Variants in HOMER2 observed in about 807,000 individuals in gnomAD.
HOMER2 encodes the protein homer protein homolog 2.
Under a neutral mutation model 47.0 loss-of-function variants are expected in HOMER2, and 27 were observed. That is an observed-to-expected ratio of 0.57 (90% CI 0.42 to 0.79). The LOEUF is 0.79. Among genes scored for constraint, HOMER2 ranks in the 30% least tolerant of loss-of-function variants. HOMER2 has a pLI of 0.00. For synonymous variants in HOMER2, 161 were observed against 163.8 expected (o/e 0.98, Z 0.13); for missense variants, 443 against 435.0 (o/e 1.02, Z -0.16).
intron 4 of HOMER2, among the ~76,000 whole-genome samples, chr15:82,862,263 C>A (rs1426275782): frequency 6.6e-6 from 1 of 152,024 alleles, no homozygotes; most frequent in Non-Finnish European, 1.5e-5. Context: ...ATAAATACTG[C>A]TAAAGATTAG....
At chr15:82,837,255 A>G (rs541170610) in exon 2 of HOMER2, 1 of 152,352 alleles carries the variant, frequency 6.6e-6, no homozygotes, top group South Asian at 2.1e-4. Context: ...CACCCGGATA[A>G]TCCAGGATCA....
At chr15:82,918,786 A>G (rs1217583422) in intron 1 of HOMER2, among the ~76,000 whole-genome samples, 2 of 152,172 alleles carry the variant, frequency 1.3e-5, no homozygotes, top group African/African-American at 2.4e-5. Context: ...TCCTCTCCTC[A>G]GCAGCCCAGG....
intron 1 of HOMER2, among the ~76,000 whole-genome samples, chr15:82,928,340 T>A (rs2053909316): frequency 6.6e-6 from 1 of 152,202 alleles, no homozygotes; most frequent in African/African-American, 2.4e-5. Flanking sequence ...TAGACTGGTT[T>A]CTGTTTCCGC....
chr15:82,855,129 A>AGCGG (rs2051532666), intron 5 of HOMER2, among the ~76,000 whole-genome samples: 1 of 151,930 alleles, frequency 6.6e-6, no homozygotes, highest in Non-Finnish European at 1.5e-5. Context: ...TAGGTCAAGA[A>AGCGG]ATCGAGACCA....
intron 3 of HOMER2, among the ~76,000 whole-genome samples, chr15:82,867,966 G>A (rs935220032): frequency 1.3e-5 from 2 of 152,026 alleles, no homozygotes; most frequent in Admixed American, 6.5e-5. Context: ...CATGAGAGCC[G>A]CCTAGTAATT....
intron 2 of HOMER2, among the ~76,000 whole-genome samples, chr15:82,879,528 A>C (rs1291399269): frequency 1.3e-5 from 2 of 152,218 alleles, no homozygotes; most frequent in Admixed American, 6.5e-5. Context: ...AAATAAAGAA[A>C]TCATAGTTTG....
At chr15:82,901,991 T>A (rs1163070761) in intron 1 of HOMER2, among the ~76,000 whole-genome samples, 1 of 152,184 alleles carries the variant, frequency 6.6e-6, no homozygotes, top group Non-Finnish European at 1.5e-5. Flanking sequence ...TTACTTTCTA[T>A]CCACAGTATG....
chr15:82,882,201 G>C (rs1405630168), intron 2 of HOMER2, among the ~76,000 whole-genome samples: 2 of 152,038 alleles, frequency 1.3e-5, no homozygotes, highest in Non-Finnish European at 2.9e-5. Context: ...CTATAAACAG[G>C]GACAACCCAA....
In HOMER2 at chr15:82,852,233, T is replaced by C; in HGVS notation, c.671A>G (p.Gln224Arg). ...CTTCTCTCTGTTGATCTCACTGCAT[T>C]GTTCTTCCAGCTCATCAATCTTCAA... The part of the protein sequence containing the change: ...LRNKIDELEE[Q>R]CSEINREKEK... Residue 224 changes from glutamine (Q) to arginine (R), a missense_variant, in exon 7 of 9, where the codon CAA (glutamine) becomes CGA (arginine). Transcript: ENST00000450735. 6.2e-7 allele frequency: 1 copy of C among 1,613,796 alleles called. No individual in the cohort carries two copies. The highest frequency in any genetic ancestry group is 8.5e-7 in the Non-Finnish European group (1 of 1,179,738).
Position 82,849,831 on chromosome 15 carries a change from A to G in HOMER2, c.916T>C (p.Tyr306His). The change falls in exon 9 of 9, where the codon TAC becomes CAC. Residue 306 changes from tyrosine to histidine, a missense_variant. By Grantham distance (83) the Tyr-to-His change is moderately conservative. Transcript: ENST00000450735. ...TCCACCTTCAGGTGGCGCTGTCGGT[A>G]TTTGCTCTCCTCAATGTCTGTCTTT... ...SLKTDIEESK[Y>H]RQRHLKVELK... The G allele has an allele frequency of 1.2e-6, 2 of 1,613,914 alleles. No individual in the cohort carries two copies. The highest frequency in any genetic ancestry group is 8.5e-7 in the Non-Finnish European group (1 of 1,179,860).
chr15:82,855,221 G>C (rs2051537474), intron 5 of HOMER2, among the ~76,000 whole-genome samples: 1 of 149,766 alleles, frequency 6.7e-6, no homozygotes, highest in Non-Finnish European at 1.5e-5. Context: ...AGCTACTCAG[G>C]AGGCTGAGGC....
At chr15:82,855,132 C>T (rs977737673) in intron 5 of HOMER2, among the ~76,000 whole-genome samples, 4 of 151,808 alleles carry the variant, frequency 2.6e-5, no homozygotes, top group African/African-American at 7.3e-5. Context: ...GTCAAGAAAT[C>T]GAGACCATCC....
exon 2 of HOMER2, chr15:82,843,780 A>C (rs547351357): frequency 6.6e-6 from 1 of 152,278 alleles, no homozygotes; most frequent in African/African-American, 2.4e-5. Flanking sequence ...TGTGGGTGGG[A>C]GTATAATTGG....
At chr15:82,907,056 G>C (rs1011148625) in intron 1 of HOMER2, among the ~76,000 whole-genome samples, 3 of 152,176 alleles carry the variant, frequency 2.0e-5, no homozygotes, top group South Asian at 2.1e-4. Flanking sequence ...CCTTCAGTTA[G>C]AGATGGACAG....
chr15:82,840,505 T>A (rs1255514290), exon 2 of HOMER2: 1 of 152,208 alleles, frequency 6.6e-6, no homozygotes, highest in Non-Finnish European at 1.5e-5. Flanking sequence ...TCTTGCTCTG[T>A]GTCCCAGGCA....
At chr15:82,920,142 C>T (rs1435217068) in intron 1 of HOMER2, among the ~76,000 whole-genome samples, 1 of 152,120 alleles carries the variant, frequency 6.6e-6, no homozygotes, top group Non-Finnish European at 1.5e-5. Flanking sequence ...TTCTTTTCAC[C>T]AGACTCCCAG....
intron 2 of HOMER2, among the ~76,000 whole-genome samples, chr15:82,877,346 T>A (rs1402441370): frequency 6.6e-6 from 1 of 152,130 alleles, no homozygotes; most frequent in Admixed American, 6.5e-5. Context: ...ATTTTTGTAT[T>A]TTTAGTAGAG....
intron 1 of HOMER2, among the ~76,000 whole-genome samples, chr15:82,899,485 A>AT (rs1203176498): frequency 6.6e-6 from 1 of 152,204 alleles, no homozygotes; most frequent in African/African-American, 2.4e-5. Flanking sequence ...GTGGACAGAA[A>AT]TTTTTTCTTG....
chr15:82,860,583 C>G (rs1411823670), intron 4 of HOMER2, among the ~76,000 whole-genome samples: 3 of 152,004 alleles, frequency 2.0e-5, no homozygotes. Context: ...TTGATATTCA[C>G]AAAAGAAGAA....
Sources: allele counts gnomAD v4.1 joint callset (sites outside exome capture counted in the v4.1 genomes callset), GRCh38; gene constraint gnomAD v4.1.1; transcripts MANE v1.5; gene names NCBI Gene and HGNC (gene_info 2026-07-23, HGNC 2026-07-21).